SLC9A9: variants seen among roughly 807,000 people sequenced by gnomAD.
The protein encoded by SLC9A9 is sodium/hydrogen exchanger 9.
A neutral mutation model predicts 77.8 loss-of-function variants in SLC9A9; 62 were observed. The ratio of observed to expected loss-of-function variants is 0.80; its 90% CI spans 0.65 to 0.98. SLC9A9 has a LOEUF of 0.98. SLC9A9 is among the 50% of genes least tolerant of loss of function. SLC9A9 has a pLI of 0.00. For synonymous variants in SLC9A9, 320 were observed against 283.5 expected, an observed-to-expected ratio of 1.13 and a Z score of -1.29; for missense variants, 775 against 774.9, an observed-to-expected ratio of 1.00 and a Z score of 0.00.
At chr3:143,606,436 C>CTCTCTA (rs1419410834) in intron 6 of SLC9A9, among the ~76,000 whole-genome samples, 1,106 of 54,164 alleles carry the variant, frequency 0.02, 16 homozygotes, top group Admixed American at 0.03. Context: ...CTCTCTCTCT[C>CTCTCTA]TATATATATA....
intron 4 of SLC9A9, among the ~76,000 whole-genome samples, chr3:143,786,844 C>T (rs2008071573): frequency 6.6e-6 from 1 of 152,146 alleles, no homozygotes; most frequent in African/African-American, 2.4e-5. Context: ...ACACAGCCTC[C>T]CTAAGCTCTG....
At chr3:143,404,929 T>A (rs1373611945) in intron 12 of SLC9A9, among the ~76,000 whole-genome samples, 1 of 152,224 alleles carries the variant, frequency 6.6e-6, no homozygotes, top group Admixed American at 6.5e-5. Context: ...GTTCGTGTTA[T>A]TTTGGTCATA....
chr3:143,635,168 C>T (rs2038497929), intron 6 of SLC9A9, among the ~76,000 whole-genome samples: 1 of 152,138 alleles, frequency 6.6e-6, no homozygotes, highest in African/African-American at 2.4e-5. Context: ...AGATGGATCG[C>T]CCACATGTCT....
At chr3:143,329,876 T>G (rs1240806723) in intron 14 of SLC9A9, among the ~76,000 whole-genome samples, 3 of 152,114 alleles carry the variant, frequency 2.0e-5, no homozygotes, top group African/African-American at 7.2e-5. Flanking sequence ...CAGCTTTTGT[T>G]CCGCACCTTT....
chr3:143,612,701 C>T (rs1200079638), intron 6 of SLC9A9, among the ~76,000 whole-genome samples: 3 of 152,198 alleles, frequency 2.0e-5, no homozygotes, highest in Non-Finnish European at 4.4e-5. Flanking sequence ...TATGGGAATT[C>T]CCAGTTGAAT....
chr3:143,656,041 C>A (rs929630879), intron 5 of SLC9A9, among the ~76,000 whole-genome samples: 4 of 152,044 alleles, frequency 2.6e-5, no homozygotes, highest in African/African-American at 9.7e-5. Context: ...CTGGAGAAGG[C>A]AGAAGAAAAC....
intron 4 of SLC9A9, among the ~76,000 whole-genome samples, chr3:143,752,682 T>G (rs1490142796): frequency 1.3e-5 from 2 of 151,578 alleles, no homozygotes; most frequent in Non-Finnish European, 2.9e-5. Flanking sequence ...TGAAAAGGTT[T>G]TTTTTTTTTT....
At chr3:143,515,751 A>G (rs2036194151) in intron 9 of SLC9A9, among the ~76,000 whole-genome samples, 1 of 152,194 alleles carries the variant, frequency 6.6e-6, no homozygotes, top group African/African-American at 2.4e-5. Flanking sequence ...GGTTAGTCAT[A>G]TGTATTTTTT....
intron 14 of SLC9A9, among the ~76,000 whole-genome samples, chr3:143,339,679 C>CTA (rs1559873989): frequency 1.3e-5 from 2 of 152,114 alleles, no homozygotes; most frequent in Admixed American, 6.6e-5. Context: ...TAGTTAATGA[C>CTA]TAAAAGAGCA....
At chr3:143,297,742 A>AT (rs979314268) in intron 14 of SLC9A9, among the ~76,000 whole-genome samples, 4 of 152,138 alleles carry the variant, frequency 2.6e-5, no homozygotes, top group African/African-American at 9.7e-5. Flanking sequence ...ATGCCTAAGT[A>AT]TTTTTTGATG....
At position 143,418,699 on chromosome 3, in the gene SLC9A9, T is replaced by C. The variant is rs1316061529; in HGVS notation, c.1470-36585A>G. ...TTGTATGTCTAAGGGAAGGGCAAAATGAACCTTCTAGAGAAACCTAGTAAG... is the reference window on the plus strand; with the variant it reads ...TTGTATGTCTAAGGGAAGGGCAAAACGAACCTTCTAGAGAAACCTAGTAAG... On this transcript the variant is annotated intron_variant, in intron 12 of 15. Transcript: ENST00000316549. 2.0e-5 allele frequency among the ~76,000 whole-genome samples: 3 copies of C among 152,250 alleles called. No homozygotes were observed. The East Asian group carries it at 5.8e-4, about 29-fold the overall frequency.
Position 143,267,345 on chromosome 3 carries a change from CTTTTTTTT to C in SLC9A9, c.1711-424_1711-417del, listed in dbSNP as rs749407002. Among the ~76,000 whole-genome samples the C allele has an allele frequency of 1.4e-4, 16 of 113,606 alleles. 1 individual carries two copies. The highest frequency in any genetic ancestry group is 3.1e-4 in the African/African-American group (8 of 26,154). The allele number at this position is 113,606 out of a possible 152,430, so 74.5% of individuals were successfully genotyped here. A position where few individuals can be genotyped will look rare whatever the true frequency, so the allele number is the denominator to read the frequency against. The stretch of plus-strand genomic sequence containing the variant: ...AATCCTTGAAACACAGTTATTGCTA[CTTTTTTTT>C]TTTTTTTTTTTTTGAGACAGAGTCT... On this transcript the variant is annotated intron_variant, in intron 15 of 15. Coordinates refer to ENST00000316549, the MANE Select transcript of SLC9A9 (RefSeq NM_173653.4).
At chr3:143,494,250 G>C (rs2035796477) in intron 10 of SLC9A9, among the ~76,000 whole-genome samples, 1 of 152,090 alleles carries the variant, frequency 6.6e-6, no homozygotes, top group Non-Finnish European at 1.5e-5. Flanking sequence ...ATTTTGAGAG[G>C]AATTACCTGT....
intron 9 of SLC9A9, chr3:143,518,273 C>T: frequency 1.4e-6 from 2 of 1,406,700 alleles, no homozygotes; most frequent in Non-Finnish European, 2.0e-6. Context: ...CAGCCCGGTT[C>T]CAGGCCCAGG....
At chr3:143,590,712 C>G (rs2037631430) in intron 6 of SLC9A9, among the ~76,000 whole-genome samples, 1 of 152,152 alleles carries the variant, frequency 6.6e-6, no homozygotes, top group Non-Finnish European at 1.5e-5. Flanking sequence ...AATCCTGTGG[C>G]TACACCTGAA....
At chr3:143,379,766 C>T (rs766893830) in intron 13 of SLC9A9, among the ~76,000 whole-genome samples, 180 of 152,048 alleles carry the variant, frequency 1.2e-3, no homozygotes, top group Non-Finnish European at 2.1e-3. Flanking sequence ...TTCTTTATTT[C>T]CCCTTTGGCC....
chr3:143,335,747 T>C (rs2031903401), intron 14 of SLC9A9, among the ~76,000 whole-genome samples: 1 of 152,148 alleles, frequency 6.6e-6, no homozygotes, highest in Non-Finnish European at 1.5e-5. Flanking sequence ...TTATGCCATA[T>C]AGAAAAATCA....
intron 14 of SLC9A9, among the ~76,000 whole-genome samples, chr3:143,302,799 A>C (rs2030585673): frequency 6.6e-6 from 1 of 152,212 alleles, no homozygotes; most frequent in African/African-American, 2.4e-5. Context: ...ATAAAGCCAG[A>C]TGGGTACAAG....
At chr3:143,778,037 C>CAAAAAAAAAAAAAAAAAAAAAA (rs748982877) in intron 4 of SLC9A9, among the ~76,000 whole-genome samples, 5 of 75,572 alleles carry the variant, frequency 6.6e-5, no homozygotes, top group African/African-American at 1.0e-4. Flanking sequence ...TTATAAAATG[C>CAAAAAAAAAAAAAAAAAAAAAA]AAAAAAAAAA....
Sources: gnomAD v4.1 joint callset for allele counts (sites outside exome capture counted in the v4.1 genomes callset) on GRCh38, gnomAD v4.1.1 for gene constraint, MANE v1.5 for transcripts, NCBI Gene and HGNC (gene_info 2026-07-23, HGNC 2026-07-21) for gene names.